Variants in ABCC4 observed in about 807,000 individuals in gnomAD.
ABCC4 encodes ATP binding cassette subfamily C member 4 (PEL blood group).
Under a neutral mutation model 168.5 loss-of-function variants are expected in ABCC4, and 102 were observed. That is an observed-to-expected ratio of 0.61 (90% CI 0.52 to 0.71). The LOEUF (loss-of-function observed/expected upper bound fraction) is 0.71, where lower values mean the gene tolerates loss of function less well. Ranked by LOEUF, ABCC4 falls within the 30% of genes least tolerant of loss-of-function variation. ABCC4 has a pLI of 0.00. For synonymous variants in ABCC4, 617 were observed against 590.7 expected (o/e 1.04, Z -0.65); for missense variants, 1,402 against 1,605.8 (o/e 0.87, Z 2.17).
chr13:95,222,726 C>T (rs535558642), intron 4 of ABCC4, among the ~76,000 whole-genome samples: 1 of 152,170 alleles, frequency 6.6e-6, no homozygotes, highest in African/African-American at 2.4e-5. Flanking sequence ...ACCTGGCATA[C>T]GGTTGAAACA....
chr13:95,242,863 T>C (rs1248977670), intron 3 of ABCC4, among the ~76,000 whole-genome samples: 1 of 152,092 alleles, frequency 6.6e-6, no homozygotes, highest in African/African-American at 2.4e-5. Context: ...CTGTTTTCAC[T>C]GCTAGAAGGA....
At chr13:95,274,730 A>G (rs1341610917) in intron 1 of ABCC4, among the ~76,000 whole-genome samples, 1 of 152,112 alleles carries the variant, frequency 6.6e-6, no homozygotes, top group East Asian at 1.9e-4. Context: ...GGCCTTCCTG[A>G]GCACCTCCTC....
chr13:95,267,196 T>C (rs1357135354), intron 1 of ABCC4, among the ~76,000 whole-genome samples: 1 of 151,970 alleles, frequency 6.6e-6, no homozygotes, highest in African/African-American at 2.4e-5. Flanking sequence ...AATCTCATCT[T>C]GAATTGTAGC....
chr13:95,142,651 C>G (rs2036357730), intron 19 of ABCC4, among the ~76,000 whole-genome samples: 3 of 151,912 alleles, frequency 2.0e-5, no homozygotes, highest in Admixed American at 1.3e-4. Context: ...ATAGTGATAT[C>G]TAAGGTACAC....
intron 1 of ABCC4, among the ~76,000 whole-genome samples, chr13:95,293,029 G>A (rs1339149596): frequency 2.0e-5 from 3 of 152,074 alleles, no homozygotes; most frequent in Admixed American, 6.6e-5. Flanking sequence ...GTGGTCATTC[G>A]CCACACGTCT....
chr13:95,115,816 C>G, intron 20 of ABCC4, 106 bp downstream of exon 20: 1 of 859,212 alleles, frequency 1.2e-6, no homozygotes, highest in East Asian at 2.5e-5. Context: ...GTTAACATTA[C>G]ACACAGCCAG....
At chr13:95,181,806 C>T (rs1027152850) in intron 11 of ABCC4, among the ~76,000 whole-genome samples, 3 of 152,168 alleles carry the variant, frequency 2.0e-5, no homozygotes, top group Admixed American at 6.5e-5. Context: ...AGCCTGTTGC[C>T]CTTTCATATC....
intron 19 of ABCC4, among the ~76,000 whole-genome samples, chr13:95,144,561 C>G (rs148307950): frequency 2.2e-4 from 34 of 152,248 alleles, no homozygotes; most frequent in African/African-American, 7.7e-4. Context: ...TTACGGGATA[C>G]AAAAATCAAT....
chr13:95,052,025 G>C (rs2032863387), intron 27 of ABCC4, among the ~76,000 whole-genome samples: 1 of 151,538 alleles, frequency 6.6e-6, no homozygotes, highest in Non-Finnish European at 1.5e-5. Flanking sequence ...CTGTCGCCCA[G>C]ATGGGAGTGC....
At chr13:95,127,267 G>A (rs1383895291) in intron 19 of ABCC4, among the ~76,000 whole-genome samples, 1 of 151,958 alleles carries the variant, frequency 6.6e-6, no homozygotes, top group Non-Finnish European at 1.5e-5. Flanking sequence ...TATGTATGCT[G>A]GCTTCAGGGA....
chr13:95,042,711 T>C (rs1439252476), intron 29 of ABCC4, among the ~76,000 whole-genome samples: 4 of 152,230 alleles, frequency 2.6e-5, no homozygotes, highest in African/African-American at 9.6e-5. Context: ...GACATTTATG[T>C]GGTCAGAAGC....
chr13:95,222,269 G>C (rs995404818), intron 4 of ABCC4, among the ~76,000 whole-genome samples: 4 of 152,212 alleles, frequency 2.6e-5, no homozygotes, highest in African/African-American at 9.6e-5. Flanking sequence ...CGGCTAAGTG[G>C]CTCATACCAT....
chr13:95,064,799 C>G (rs1008150708), intron 25 of ABCC4, among the ~76,000 whole-genome samples: 4 of 152,086 alleles, frequency 2.6e-5, no homozygotes, highest in Non-Finnish European at 5.9e-5. Flanking sequence ...CCAAAGAAAA[C>G]CTGGCTCTGG....
intron 1 of ABCC4, among the ~76,000 whole-genome samples, chr13:95,278,215 G>A (rs896794646): frequency 1.3e-5 from 2 of 152,168 alleles, no homozygotes; most frequent in Admixed American, 1.3e-4. Context: ...TTACATCACT[G>A]TGCCCACAGT....
At chr13:95,056,438 A>G (rs1454439387) in intron 26 of ABCC4, among the ~76,000 whole-genome samples, 4 of 152,186 alleles carry the variant, frequency 2.6e-5, no homozygotes, top group Admixed American at 1.3e-4. Context: ...AACATTGTTC[A>G]CCAACAAAGG....
At chr13:95,193,139 G>C (rs1594271905) in intron 9 of ABCC4, among the ~76,000 whole-genome samples, 1 of 150,566 alleles carries the variant, frequency 6.6e-6, no homozygotes, top group East Asian at 2.0e-4. Flanking sequence ...GGCATGTAGA[G>C]AAAGGAAGAG....
chr13:95,141,421 C>T lies in ABCC4; in HGVS notation c.2455+19768G>A, dbSNP rs184604107. Among the ~76,000 whole-genome samples the T allele has an allele frequency of 2.2e-3, 340 of 152,118 alleles. 1 individual carries two copies. The highest frequency in any genetic ancestry group is 7.5e-3 in the African/African-American group (312 of 41,506). On this transcript the variant is annotated intron_variant, in intron 19 of 30. Transcript: ENST00000645237. ...TTGTCCTCAAACTCAGCAAAGAAAA[C>T]GAAAAGCTTCAAAAGTCAAAGAATT...
At chr13:95,137,668 G>C (rs2036184617) in intron 19 of ABCC4, among the ~76,000 whole-genome samples, 1 of 152,156 alleles carries the variant, frequency 6.6e-6, no homozygotes, top group Admixed American at 6.5e-5. Context: ...CGAAAGATGG[G>C]GGGGAACTCC....
intron 27 of ABCC4, among the ~76,000 whole-genome samples, chr13:95,046,671 G>A (rs1207263972): frequency 1.3e-5 from 2 of 152,226 alleles, no homozygotes; most frequent in South Asian, 2.1e-4. Flanking sequence ...GCTGAGGCAG[G>A]AGAATTGCTT....
Sources: allele counts gnomAD v4.1 joint callset (sites outside exome capture counted in the v4.1 genomes callset), GRCh38; gene constraint gnomAD v4.1.1; transcripts MANE v1.5; gene names NCBI Gene and HGNC (gene_info 2026-07-23, HGNC 2026-07-21).